The following RIMS1 variants were observed in gnomAD, a reference collection of about 807,000 sequenced individuals.
RIMS1 encodes the protein regulating synaptic membrane exocytosis 1.
RIMS1 carries 83 observed loss-of-function variants against 214.1 expected under a neutral mutation model. The observed-to-expected ratio is 0.39, with a 90% CI of 0.32 to 0.47. RIMS1 has a LOEUF of 0.47. RIMS1 is among the 20% of genes least tolerant of loss of function. The pLI is 0.99. For synonymous variants in RIMS1, 793 were observed against 786.8 expected (o/e 1.01, Z -0.13); for missense variants, 2,050 against 2,161.8 (o/e 0.95, Z 1.03).
At chr6:72,045,269 TG>T (rs1274519983) in intron 2 of RIMS1, among the ~76,000 whole-genome samples, 3 of 151,936 alleles carry the variant, frequency 2.0e-5, no homozygotes, top group African/African-American at 7.2e-5. Context: ...TGCATCAAAC[TG>T]TACACTAAAA....
chr6:71,970,908 G>C (rs1399323749), intron 2 of RIMS1, among the ~76,000 whole-genome samples: 1 of 152,178 alleles, frequency 6.6e-6, no homozygotes, highest in African/African-American at 2.4e-5. Context: ...TAAATTGGGA[G>C]GGGGTAATTG....
intron 24 of RIMS1, among the ~76,000 whole-genome samples, chr6:72,286,466 T>C (rs1222693264): frequency 1.3e-5 from 2 of 152,242 alleles, no homozygotes; most frequent in African/African-American, 2.4e-5. Flanking sequence ...ATGACACTTA[T>C]GAATCATATT....
At chr6:72,056,696 G>C (rs1321517104) in intron 2 of RIMS1, among the ~76,000 whole-genome samples, 1 of 152,104 alleles carries the variant, frequency 6.6e-6, no homozygotes, top group Non-Finnish European at 1.5e-5. Flanking sequence ...ATGGGTAGTT[G>C]TCTTAGAATA....
rs141763973 is a variant in RIMS1 at position 72,292,629 on chromosome 6, T to C, written c.3850+583T>C. ...AAAGAGAGAGAGAATGTATACGGTCTGATTTTAGTAGAAACTAAATTTTCT... is the reference window on the plus strand; with the variant it reads ...AAAGAGAGAGAGAATGTATACGGTCCGATTTTAGTAGAAACTAAATTTTCT... On this transcript the variant is annotated intron_variant, in intron 26 of 33. Coordinates refer to ENST00000521978, the MANE Select transcript of RIMS1 (RefSeq NM_014989.7). Among the ~76,000 whole-genome samples, 366 of 152,248 alleles carry C rather than the reference T, an allele frequency of 2.4e-3. 2 individuals carry two copies. The highest frequency in any genetic ancestry group is 3.8e-3 in the Non-Finnish European group (260 of 67,970).
chr6:72,341,105 A>G (rs1439643631), intron 29 of RIMS1, among the ~76,000 whole-genome samples: 1 of 151,776 alleles, frequency 6.6e-6, no homozygotes, highest in African/African-American at 2.4e-5. Context: ...GGTGTATAAG[A>G]ATTCTTGTGG....
chr6:72,199,547 A>G (rs1011427893), intron 6 of RIMS1, among the ~76,000 whole-genome samples: 3 of 152,150 alleles, frequency 2.0e-5, no homozygotes, highest in Admixed American at 6.5e-5. Flanking sequence ...CTGCATGAAA[A>G]TAAAGGTAAA....
chr6:72,377,528 G>C (rs904247548), intron 29 of RIMS1, among the ~76,000 whole-genome samples: 1 of 152,156 alleles, frequency 6.6e-6, no homozygotes, highest in East Asian at 1.9e-4. Context: ...GAAGAGGTAA[G>C]ATAAGAAGAG....
intron 6 of RIMS1, among the ~76,000 whole-genome samples, chr6:72,208,061 C>T (rs1201829239): frequency 6.6e-6 from 1 of 152,108 alleles, no homozygotes; most frequent in African/African-American, 2.4e-5. Context: ...AATTTTTTAA[C>T]CTCTTTTTTA....
chr6:72,269,979 G>A (rs2082249661), intron 22 of RIMS1, among the ~76,000 whole-genome samples: 1 of 151,754 alleles, frequency 6.6e-6, no homozygotes, highest in African/African-American at 2.4e-5. Context: ...CTTTTCTTTT[G>A]CCAGTCAGAA....
intron 29 of RIMS1, among the ~76,000 whole-genome samples, chr6:72,375,403 T>C (rs573879984): frequency 6.6e-5 from 10 of 152,350 alleles, no homozygotes; most frequent in South Asian, 4.1e-4. Flanking sequence ...ACCTTTCTGA[T>C]CACTCAGTAA....
intron 29 of RIMS1, among the ~76,000 whole-genome samples, chr6:72,346,094 A>G (rs1441081424): frequency 6.6e-6 from 1 of 151,810 alleles, no homozygotes; most frequent in Non-Finnish European, 1.5e-5. Flanking sequence ...CAACTATAAT[A>G]TGGAACCATA....
chr6:72,400,714 G>A lies in RIMS1; in HGVS notation c.5079G>A (p.Ter1693=). Residue 1693 remains the stop codon, a stop_retained_variant, in exon 34 of 34, where the codon TAG becomes TAA. Transcript: ENST00000521978. Reference sequence around the variant, plus strand: ...CTGGGCCTCCCTGTATTCGATCATAGTGAACTCATACCAGAGTCATTCCAA... The same window carrying A: ...CTGGGCCTCCCTGTATTCGATCATAATGAACTCATACCAGAGTCATTCCAA... ...SSTGPPCIRS[*] is the part of the protein sequence containing the mutation. 1.9e-6 allele frequency: 3 copies of A among 1,604,576 alleles called. No homozygotes were observed. The South Asian group carries it at 3.3e-5, about 18-fold the overall frequency.
chr6:71,920,718 C>T (rs1329624247), intron 1 of RIMS1, among the ~76,000 whole-genome samples: 1 of 152,170 alleles, frequency 6.6e-6, no homozygotes. Context: ...ACTTTTAGAT[C>T]TGTAGCTTAA....
At chr6:72,060,988 T>C (rs572204) in intron 2 of RIMS1, among the ~76,000 whole-genome samples, 118,881 of 152,030 alleles carry the variant, frequency 0.78, 47,280 homozygotes, top group African/African-American at 0.94. Flanking sequence ...TCTTCTGAGA[T>C]GCAGATATTG....
intron 18 of RIMS1, 48 bp from the exon 19 acceptor site, chr6:72,260,657 T>C: frequency 6.2e-7 from 1 of 1,604,094 alleles, no homozygotes; most frequent in Non-Finnish European, 8.5e-7. Context: ...GCATAACCCA[T>C]GTCTCATAAT....
At chr6:72,073,237 T>G (rs1490629374) in intron 2 of RIMS1, among the ~76,000 whole-genome samples, 1 of 152,200 alleles carries the variant, frequency 6.6e-6, no homozygotes, top group Non-Finnish European at 1.5e-5. Flanking sequence ...AATTTCATCC[T>G]TTGTGTCTTA....
chr6:72,102,380 C>T (rs955694346), intron 4 of RIMS1, among the ~76,000 whole-genome samples: 2 of 151,872 alleles, frequency 1.3e-5, no homozygotes, highest in South Asian at 4.1e-4. Context: ...AAAAACAGAA[C>T]CTTACTATTT....
chr6:72,126,654 T>C lies in RIMS1; in HGVS notation c.471+26668T>C, dbSNP rs777286440. On this transcript the variant is annotated intron_variant, in intron 4 of 33. Coordinates refer to ENST00000521978, the MANE Select transcript of RIMS1 (RefSeq NM_014989.7). Reference sequence around the variant, plus strand: ...CAGTTCTCAAAAGAAGATATACAAGTGGCAAACAAATATATGAAAAAATGC... The same window carrying C: ...CAGTTCTCAAAAGAAGATATACAAGCGGCAAACAAATATATGAAAAAATGC... 1.6e-5 allele frequency: 4 copies of C among 254,218 alleles called. No individual in the cohort carries two copies. In the East Asian group the frequency reaches 3.4e-4, roughly 22 times the overall value. The allele number at this position is 254,218 out of a possible 1,614,324, so 15.7% of individuals were successfully genotyped here.
intron 2 of RIMS1, among the ~76,000 whole-genome samples, chr6:72,076,251 C>T (rs1164704493): frequency 2.0e-5 from 3 of 152,172 alleles, no homozygotes; most frequent in African/African-American, 7.2e-5. Flanking sequence ...GATGAGGAAA[C>T]TCAGTATATT....
Sources: allele counts gnomAD v4.1 joint callset (sites outside exome capture counted in the v4.1 genomes callset), GRCh38; gene constraint gnomAD v4.1.1; transcripts MANE v1.5; gene names NCBI Gene and HGNC (gene_info 2026-07-23, HGNC 2026-07-21).